EVI5L: variants seen among roughly 807,000 people sequenced by gnomAD.
EVI5L encodes the protein ecotropic viral integration site 5 like, also known as EVI5-like protein.
Under a neutral mutation model 106.1 loss-of-function variants are expected in EVI5L, and 30 were observed. The observed-to-expected ratio is 0.28, with a 90% CI of 0.21 to 0.38. The LOEUF (loss-of-function observed/expected upper bound fraction) is 0.38. EVI5L is among the 10% of genes least tolerant of loss of function. The pLI is 1.00. For missense variants in EVI5L, 809 were observed against 1,098.0 expected (o/e 0.74, Z 3.72); for synonymous variants, 489 against 483.3 (o/e 1.01, Z -0.15).
At chr19:7,852,395 G>A (rs977116881) in intron 8 of EVI5L, among the ~76,000 whole-genome samples, 3 of 152,218 alleles carry the variant, frequency 2.0e-5, no homozygotes, top group African/African-American at 7.2e-5. Flanking sequence ...TGCAGGAGCT[G>A]TGTCCCCCCT....
Position 7,849,089 on chromosome 19 carries a change from G to A in EVI5L, c.496G>A (p.Glu166Lys), listed in dbSNP as rs777467935. 3.7e-6 allele frequency: 6 copies of A among 1,610,140 alleles called. No individual in the cohort carries two copies. Among genetic ancestry groups the A allele is most frequent in the African/African-American group, 1.3e-5 (1 of 74,848 alleles). ...RDIARTYPEH[E>K]FFKGQDSLGQ... Reference sequence around the variant, plus strand: ...CATCGCCCGCACCTACCCGGAACATGAGTTCTTCAAGGGCCAGGACAGCCT... The same window carrying A: ...CATCGCCCGCACCTACCCGGAACATAAGTTCTTCAAGGGCCAGGACAGCCT... Residue 166 changes from glutamate to lysine, a missense_variant, in exon 4 of 20, where the codon GAG becomes AAG. Physicochemically the swap from Glu to Lys is moderately conservative, Grantham distance 56. Around this residue, in one of 2 missense-constraint regions of EVI5L, gnomAD observed 357 missense variants for 588.1 expected, o/e 0.61. Coordinates refer to ENST00000538904, the MANE Select transcript of EVI5L (RefSeq NM_001159944.3).
rs375680266 is a variant in EVI5L, at chr19:7,849,165, G to A, written c.552+20G>A. 2.3e-4 allele frequency: 374 copies of A among 1,611,418 alleles called. No individual in the cohort carries two copies. The highest frequency in any genetic ancestry group is 2.9e-4 in the Non-Finnish European group (336 of 1,178,298). ...ATGAAGGTGAGGCCCAGGGCTCCCC[G>A]CTCCCTCGGTCCCAAAGGAAGGAGA... is the stretch of plus-strand genomic sequence containing the variant. On this transcript the variant is annotated intron_variant, in intron 4 of 19. Transcript: ENST00000538904.
At position 7,863,568 on chromosome 19, in the gene EVI5L, G is replaced by C. The variant is rs199525028; in HGVS notation, c.2284G>C (p.Ala762Pro). Reference protein sequence around the residue: ...GVGVGAALQDALYPLSPRDAR... With the variant: ...GVGVGAALQDPLYPLSPRDAR... ...AGGCGTGGGCGCTGCCCTGCAGGAC[G>C]CATTGTACCCTCTGTCCCCGCGCGA... The change falls in exon 20 of 20, where the codon GCA becomes CCA. Residue 762 changes from alanine to proline, a missense_variant. Around this residue, in one of 2 missense-constraint regions of EVI5L, gnomAD observed 452 missense variants for 509.9 expected, o/e 0.89. Coordinates refer to ENST00000538904, the MANE Select transcript of EVI5L (RefSeq NM_001159944.3). The surrounding 1 kb of genome is among the most constrained non-coding windows in gnomAD (Gnocchi z 7.7). The C allele has an allele frequency of 4.4e-6, 7 of 1,598,432 alleles. No homozygotes were observed. The highest frequency in any genetic ancestry group is 6.0e-6 in the Non-Finnish European group (7 of 1,173,434).
At chr19:7,859,495 G>A (rs544252459) in intron 13 of EVI5L, among the ~76,000 whole-genome samples, 32 of 152,342 alleles carry the variant, frequency 2.1e-4, no homozygotes, top group African/African-American at 2.6e-4. Context: ...GGATTCTAGC[G>A]GATCCACTGC....
At position 7,847,931 on chromosome 19, in the gene EVI5L, G is replaced by A. The variant is rs546615764; in HGVS notation, c.327+10G>A. 8.5e-6 allele frequency: 13 copies of A among 1,535,180 alleles called. No individual in the cohort carries two copies. The South Asian group carries it at 9.6e-5, about 11-fold the overall frequency. On this transcript the variant is annotated intron_variant, in intron 3 of 19. Coordinates refer to ENST00000538904, the MANE Select transcript of EVI5L (RefSeq NM_001159944.3). ...GGAGAAGCTGCTCAAGGTGGGGGGCGGCCAGGCAGGCAGGGCTGGGCCGAC... is the reference window on the plus strand; with the variant it reads ...GGAGAAGCTGCTCAAGGTGGGGGGCAGCCAGGCAGGCAGGGCTGGGCCGAC...
rs1308977491 is a variant in EVI5L, at chr19:7,863,408, C to G, written c.2140-16C>G. The G allele has an allele frequency of 2.0e-6, 3 of 1,531,066 alleles. No individual in the cohort carries two copies. Among genetic ancestry groups the G allele is most frequent in the East Asian group, 2.5e-5 (1 of 40,466 alleles). 94.8% of individuals were successfully genotyped at this position (1,531,066 alleles called of 1,614,324 possible). Reference sequence around the variant, plus strand: ...GAAGGCCGGTCCACGCCTGCAGCGCCGGTCCCCCGCCCCAGGTGCGGCTGC... The same window carrying G: ...GAAGGCCGGTCCACGCCTGCAGCGCGGGTCCCCCGCCCCAGGTGCGGCTGC... On this transcript the variant is annotated splice_polypyrimidine_tract_variant and intron_variant, in intron 19 of 19. Transcript: ENST00000538904. This position sits in a 1 kb window ranked among gnomAD's most constrained non-coding sequence, Gnocchi z 7.7.
chr19:7,840,883 A>G (rs1978570151), intron 1 of EVI5L, among the ~76,000 whole-genome samples: 1 of 151,572 alleles, frequency 6.6e-6, no homozygotes, highest in African/African-American at 2.4e-5. Flanking sequence ...GGACATGTGG[A>G]TTGTTTCTGC....
chr19:7,852,291 G>A (rs1181497058), intron 8 of EVI5L, among the ~76,000 whole-genome samples: 2 of 152,232 alleles, frequency 1.3e-5, no homozygotes, highest in Non-Finnish European at 2.9e-5. Context: ...CCTCCAGCTG[G>A]TGCTTCAGGG....
Position 7,862,435 on chromosome 19 carries a change from G to T in EVI5L, c.1848G>T (p.Ala616=). The part of the protein sequence containing the change: ...NLLNRVEAER[A]ALQEKLQYLA... Reference sequence around the variant, plus strand: ...TGAACCGCGTGGAGGCGGAGCGCGCGGCGCTGCAGGAGAAGCTGCAGTACC... The same window carrying T: ...TGAACCGCGTGGAGGCGGAGCGCGCTGCGCTGCAGGAGAAGCTGCAGTACC... The change falls in exon 17 of 20, where the codon GCG becomes GCT. Residue 616 remains alanine (A), a synonymous_variant. Transcript: ENST00000538904. 1 of 1,610,534 alleles carries T rather than the reference G, an allele frequency of 6.2e-7. No homozygotes were observed. The highest frequency in any genetic ancestry group is 1.3e-5 in the African/African-American group (1 of 74,960).
chr19:7,841,469 A>C (rs1300604937), intron 1 of EVI5L, among the ~76,000 whole-genome samples: 10 of 151,950 alleles, frequency 6.6e-5, no homozygotes, highest in Non-Finnish European at 5.9e-5. Context: ...CGAGAGGGAA[A>C]GCCAAACGGA....
Position 7,857,854 on chromosome 19 carries a change from TGGCATGAATAGGCACA to T in EVI5L, c.1234-334_1234-319del, listed in dbSNP as rs1311888421. ...GATCCTCACCCTCACCGGCAGAGTC[TGGCATGAATAGGCACA>T]GGTGGCCTCGCTGTGCCCCTGGATA... On this transcript the variant is annotated intron_variant, in intron 12 of 19. Coordinates refer to ENST00000538904, the MANE Select transcript of EVI5L (RefSeq NM_001159944.3). The surrounding 1 kb of genome is among the most constrained non-coding windows in gnomAD (Gnocchi z 4.5). 1 of 296,100 alleles carries T rather than the reference TGGCATGAATAGGCACA, an allele frequency of 3.4e-6. No individual in the cohort carries two copies. The highest frequency in any genetic ancestry group is 6.4e-6 in the Non-Finnish European group (1 of 155,320). The allele number at this position is 296,100 out of a possible 1,614,324, so 18.3% of individuals were successfully genotyped here. A position where few individuals can be genotyped will look rare whatever the true frequency, so the allele number is the denominator to read the frequency against.
Position 7,864,023 on chromosome 19 carries a change from CAGA to C in EVI5L, c.*322_*324del, listed in dbSNP as rs1316311566. On this transcript the variant is annotated 3_prime_UTR_variant, in exon 20 of 20. Transcript: ENST00000538904. This position sits in a 1 kb window ranked among gnomAD's most constrained non-coding sequence, Gnocchi z 4.5. ...GGCAGAGGGCAGGGGACAGACGACC[CAGA>C]GGTCCCAGCACTGAATGAGCAGGCA... 2 of 331,880 alleles carry C rather than the reference CAGA, an allele frequency of 6.0e-6. No individual in the cohort carries two copies. Among genetic ancestry groups the C allele is most frequent in the Non-Finnish European group, 1.1e-5 (2 of 182,668 alleles). The allele number at this position is 331,880 out of a possible 1,614,324, so 20.6% of individuals were successfully genotyped here.
Position 7,862,276 on chromosome 19 carries a change from A to G in EVI5L, c.1799A>G (p.Gln600Arg), listed in dbSNP as rs750387266. 1 of 1,582,608 alleles carries G rather than the reference A, an allele frequency of 6.3e-7. No individual in the cohort carries two copies. Among genetic ancestry groups the G allele is most frequent in the South Asian group, 1.1e-5 (1 of 87,504 alleles). Residue 600 changes from glutamine (Q) to arginine (R), a missense_variant and splice_region_variant, in exon 16 of 20, where the codon CAG becomes CGG. Around this residue, in one of 2 missense-constraint regions of EVI5L, gnomAD observed 452 missense variants for 509.9 expected, o/e 0.89. Coordinates refer to ENST00000538904, the MANE Select transcript of EVI5L (RefSeq NM_001159944.3). ...LRQRVVELET[Q>R]DHIHRNLLNR... is the part of the protein sequence containing the mutation. Reference sequence around the variant, plus strand: ...CAGCGCGTGGTGGAACTTGAGACGCAGGTGGACTCGGGGGGCCTGCTCGTT... The same window carrying G: ...CAGCGCGTGGTGGAACTTGAGACGCGGGTGGACTCGGGGGGCCTGCTCGTT...
Position 7,840,867 on chromosome 19 carries a change from G to A in EVI5L, c.-47-5629G>A, listed in dbSNP as rs534287407. ...CCATGTTTTGTTGATCCATTCACCC[G>A]TTGATGGACATGTGGATTGTTTCTG... On this transcript the variant is annotated intron_variant, in intron 1 of 19. Transcript: ENST00000538904. Among the ~76,000 whole-genome samples, 69 of 152,220 alleles carry A rather than the reference G, an allele frequency of 4.5e-4. 1 individual carries two copies. In the South Asian group the frequency reaches 6.9e-3, roughly 15 times the overall value.
intron 17 of EVI5L, 65 bp from the exon 18 acceptor site, chr19:7,862,907 T>C: frequency 2.6e-6 from 3 of 1,164,240 alleles, no homozygotes; most frequent in Non-Finnish European, 2.4e-6. Context: ...CTGCCCGCGG[T>C]CCCGCCCCCT....
At position 7,863,198 on chromosome 19, in the gene EVI5L, G is replaced by A. The variant is rs763130629; in HGVS notation, c.2057G>A (p.Arg686His). 12 of 1,557,696 alleles carry A rather than the reference G, an allele frequency of 7.7e-6. 1 individual carries two copies. The South Asian group carries it at 1.1e-4, about 14-fold the overall frequency. Reference protein sequence around the residue: ...AELEIQREEGRIQGQLNHSDS... With the variant: ...AELEIQREEGHIQGQLNHSDS... The stretch of plus-strand genomic sequence containing the variant: ...CGCACCCCGCAGAGGGAGGAAGGCC[G>A]CATCCAGGGCCAGCTGAACCACTCG... The change falls in exon 19 of 20, where the codon CGC becomes CAC. Residue 686 changes from arginine (R) to histidine (H), a missense_variant. Physicochemically the swap from Arg to His is conservative, Grantham distance 29. Around this residue, in one of 2 missense-constraint regions of EVI5L, gnomAD observed 452 missense variants for 509.9 expected, o/e 0.89. Transcript: ENST00000538904. This position sits in a 1 kb window ranked among gnomAD's most constrained non-coding sequence, Gnocchi z 7.7.
In EVI5L at chr19:7,862,146, T is replaced by C. The variant is rs1344930057; in HGVS notation, c.1669T>C (p.Trp557Arg). 6.4e-7 allele frequency: 1 copy of C among 1,573,870 alleles called. No homozygotes were observed. Among genetic ancestry groups the C allele is most frequent in the Admixed American group, 1.9e-5 (1 of 53,542 alleles). The change falls in exon 16 of 20, where the codon TGG becomes CGG. Residue 557 changes from tryptophan (W) to arginine (R), a missense_variant. Coordinates refer to ENST00000538904, the MANE Select transcript of EVI5L (RefSeq NM_001159944.3). ...WQAHLARGGR[W>R]KESPRKLVVG... is the part of the protein sequence containing the mutation. ...GGCCCATCTGGCCCGCGGCGGCCGC[T>C]GGAAGGAGTCCCCACGGAAGCTGGT... is the stretch of plus-strand genomic sequence containing the variant.
intron 1 of EVI5L, among the ~76,000 whole-genome samples, chr19:7,831,224 C>G (rs1599556051): frequency 1.2e-5 from 1 of 83,922 alleles, no homozygotes; most frequent in African/African-American, 5.8e-5. Context: ...CTGAAAACCC[C>G]AAACACACAC....
At position 7,850,510 on chromosome 19, in the gene EVI5L, G is replaced by A. The variant is rs1044468844; in HGVS notation, c.753+388G>A. On this transcript the variant is annotated intron_variant, in intron 6 of 19. Transcript: ENST00000538904. The surrounding 1 kb of genome is among the most constrained non-coding windows in gnomAD (Gnocchi z 5.4). ...GATTACTGGAGAGCCGCAGACGTCT[G>A]TTTATAAATAGCAGCCCCCGCAGGG... 1.3e-5 allele frequency among the ~76,000 whole-genome samples: 2 copies of A among 152,176 alleles called. No homozygotes were observed. Among genetic ancestry groups the A allele is most frequent in the Non-Finnish European group, 2.9e-5 (2 of 68,020 alleles).
Sources: allele counts gnomAD v4.1 joint callset (sites outside exome capture counted in the v4.1 genomes callset), GRCh38; gene constraint gnomAD v4.1.1; regional missense constraint gnomAD v4.1.1; non-coding constraint Gnocchi (gnomAD v3.1); transcripts MANE v1.5; gene names NCBI Gene and HGNC (gene_info 2026-07-23, HGNC 2026-07-21).